Variants in PTPRD observed in about 807,000 individuals in gnomAD.
PTPRD encodes receptor-type tyrosine-protein phosphatase delta.
PTPRD carries 34 observed loss-of-function variants against 214.5 expected under a neutral mutation model. The observed-to-expected ratio is 0.16, with a 90% CI of 0.12 to 0.21. The LOEUF (loss-of-function observed/expected upper bound fraction) is 0.21, where lower values mean the gene tolerates loss of function less well. Among genes scored for constraint, PTPRD ranks in the 10% least tolerant of loss-of-function variants. PTPRD has a pLI of 1.00. For missense variants in PTPRD, 2,545 were observed against 2,398.7 expected (o/e 1.06, Z -1.27); for synonymous variants, 1,128 against 845.7 (o/e 1.33, Z -5.79).
intron 2 of PTPRD, among the ~76,000 whole-genome samples, chr9:10,590,371 G>C (rs1359037813): frequency 6.6e-6 from 1 of 151,882 alleles, no homozygotes; most frequent in African/African-American, 2.4e-5. Context: ...TTTTAAATGA[G>C]CAGTTTTTCA....
intron 26 of PTPRD, among the ~76,000 whole-genome samples, chr9:8,496,207 C>CAA (rs1554641883): frequency 3.2e-5 from 4 of 123,214 alleles, no homozygotes; most frequent in South Asian, 2.8e-4. Flanking sequence ...CACACACACA[C>CAA]ACAAACACAC....
intron 6 of PTPRD, among the ~76,000 whole-genome samples, chr9:9,758,423 G>C (rs1290779655): frequency 1.3e-5 from 2 of 152,050 alleles, no homozygotes; most frequent in African/African-American, 4.8e-5. Flanking sequence ...GGTAGGAGAA[G>C]GTCAAACCTC....
chr9:8,824,875 G>A (rs888579096), intron 11 of PTPRD, among the ~76,000 whole-genome samples: 1 of 152,286 alleles, frequency 6.6e-6, no homozygotes, highest in Non-Finnish European at 1.5e-5. Context: ...TATAGTTCTT[G>A]AAACGTAGTA....
chr9:8,523,297 C>T (rs971121956), intron 19 of PTPRD, among the ~76,000 whole-genome samples: 1 of 152,020 alleles, frequency 6.6e-6, no homozygotes, highest in African/African-American at 2.4e-5. Context: ...TAAGTGTTAC[C>T]AGTTACCATG....
intron 8 of PTPRD, among the ~76,000 whole-genome samples, chr9:9,468,650 T>C (rs965749714): frequency 3.3e-5 from 5 of 152,208 alleles, no homozygotes; most frequent in Admixed American, 2.6e-4. Context: ...AACCCAGTAC[T>C]TTTTTTGTTA....
At chr9:8,631,400 C>T (rs1297669637) in intron 14 of PTPRD, among the ~76,000 whole-genome samples, 4 of 151,764 alleles carry the variant, frequency 2.6e-5, no homozygotes, top group Non-Finnish European at 4.4e-5. Flanking sequence ...GGCTTACTGT[C>T]GCTTGCTGGT....
chr9:9,177,148 G>T (rs1352606764), intron 10 of PTPRD, among the ~76,000 whole-genome samples: 1 of 152,086 alleles, frequency 6.6e-6, no homozygotes, highest in African/African-American at 2.4e-5. Context: ...GGAAGGTGAA[G>T]GGGAAGCAAG....
intron 39 of PTPRD, among the ~76,000 whole-genome samples, chr9:8,351,985 G>C (rs1459529508): frequency 6.6e-6 from 1 of 151,542 alleles, no homozygotes; most frequent in African/African-American, 2.4e-5. Context: ...TATCCCTTTG[G>C]GTGTTTTATT....
intron 44 of PTPRD, 116 bp from the exon 45 acceptor site, chr9:8,320,082 T>C (rs1331362716): frequency 3.9e-6 from 5 of 1,275,808 alleles, no homozygotes; most frequent in Non-Finnish European, 5.3e-6. Context: ...TTTATAGCCA[T>C]ATTCAGGAAA....
At chr9:9,203,174 G>A (rs1190956108) in intron 9 of PTPRD, among the ~76,000 whole-genome samples, 2 of 151,982 alleles carry the variant, frequency 1.3e-5, no homozygotes, top group East Asian at 1.9e-4. Flanking sequence ...AGGTTGCAGC[G>A]AGCCGAGATC....
At position 9,675,240 on chromosome 9, in the gene PTPRD, A is replaced by T. The variant is rs2096906729; in HGVS notation, c.-287+59293T>A. 2.0e-5 allele frequency among the ~76,000 whole-genome samples: 3 copies of T among 151,898 alleles called. No individual in the cohort carries two copies. In the South Asian group the frequency reaches 6.2e-4, roughly 31 times the overall value. ...TTTTAAAAACATTTTGAACTTAATGATTTAAAGTTTTTGTTTGTATCAAAA... is the reference window on the plus strand; with the variant it reads ...TTTTAAAAACATTTTGAACTTAATGTTTTAAAGTTTTTGTTTGTATCAAAA... On this transcript the variant is annotated intron_variant, in intron 7 of 45. Coordinates refer to ENST00000381196, the MANE Select transcript of PTPRD (RefSeq NM_002839.4).
At chr9:9,851,285 G>T (rs2060496707) in intron 5 of PTPRD, among the ~76,000 whole-genome samples, 1 of 152,066 alleles carries the variant, frequency 6.6e-6, no homozygotes, top group African/African-American at 2.4e-5. Context: ...GTATCGTATT[G>T]CTGACTGCGA....
rs560339481 is a variant in PTPRD at position 10,505,217 on chromosome 9, A to C, written c.-600+107181T>G. 5.3e-5 allele frequency among the ~76,000 whole-genome samples: 8 copies of C among 152,322 alleles called. No individual in the cohort carries two copies. In the South Asian group the frequency reaches 1.7e-3, roughly 32 times the overall value. On this transcript the variant is annotated intron_variant, in intron 2 of 45. Transcript: ENST00000381196. ...AAGGTAGTCTAATTCAAATTCATTC[A>C]GCTTATCTGAGGTATTGCAAAAGTG...
At chr9:9,284,191 G>C (rs1948663455) in intron 9 of PTPRD, among the ~76,000 whole-genome samples, 1 of 151,654 alleles carries the variant, frequency 6.6e-6, no homozygotes, top group Non-Finnish European at 1.5e-5. Context: ...CTAACTTTCA[G>C]GTTTTAATTC....
chr9:8,484,595 A>T (rs1467326532), intron 29 of PTPRD, among the ~76,000 whole-genome samples: 1 of 122,334 alleles, frequency 8.2e-6, no homozygotes, highest in Non-Finnish European at 1.7e-5. Flanking sequence ...GTCTATCAAA[A>T]ATACACAAAG....
chr9:8,708,266 A>C (rs551467256), intron 12 of PTPRD, among the ~76,000 whole-genome samples: 1 of 152,308 alleles, frequency 6.6e-6, no homozygotes, highest in African/African-American at 2.4e-5. Flanking sequence ...CAAATAACAA[A>C]AGGTAGGTGT....
intron 2 of PTPRD, among the ~76,000 whole-genome samples, chr9:10,351,464 A>G (rs897475825): frequency 6.6e-6 from 1 of 151,950 alleles, no homozygotes; most frequent in Non-Finnish European, 1.5e-5. Flanking sequence ...TTCAAATGGG[A>G]CCTCTTACTC....
chr9:9,531,977 CTTG>C (rs1569569052), intron 8 of PTPRD, among the ~76,000 whole-genome samples: 1 of 150,850 alleles, frequency 6.6e-6, no homozygotes, highest in South Asian at 2.1e-4. Context: ...TTAGAAAAAA[CTTG>C]TTAACATTAA....
chr9:9,760,574 C>T (rs1311224999), intron 6 of PTPRD, among the ~76,000 whole-genome samples: 1 of 146,224 alleles, frequency 6.8e-6, no homozygotes, highest in Non-Finnish European at 1.5e-5. Flanking sequence ...ATCTCTTCTT[C>T]CCCATCATCT....
Sources: allele counts gnomAD v4.1 joint callset (sites outside exome capture counted in the v4.1 genomes callset), GRCh38; gene constraint gnomAD v4.1.1; transcripts MANE v1.5; gene names NCBI Gene and HGNC (gene_info 2026-07-23, HGNC 2026-07-21).